Variants in ANK3 observed in about 807,000 individuals in gnomAD.
ANK3 encodes ankyrin-3.
ANK3 carries 57 observed loss-of-function variants against 370.9 expected under a neutral mutation model. The observed-to-expected ratio is 0.15, with a 90% CI of 0.12 to 0.19. The LOEUF (loss-of-function observed/expected upper bound fraction) is 0.19. Among genes scored for constraint, ANK3 ranks in the 10% least tolerant of loss-of-function variants. The probability of loss-of-function intolerance (pLI) is 1.00; values close to 1 mark genes in which losing one functional copy is unlikely to be tolerated. For synonymous variants in ANK3, 1,929 were observed against 1,946.3 expected (o/e 0.99, Z 0.23); for missense variants, 4,439 against 5,302.1 (o/e 0.84, Z 5.06).
chr10:60,600,967 A>C (rs888350237), intron 2 of ANK3, among the ~76,000 whole-genome samples: 5 of 152,176 alleles, frequency 3.3e-5, no homozygotes, highest in Non-Finnish European at 7.3e-5. Flanking sequence ...TTTGAAAACA[A>C]ACAAAAAGAA....
At chr10:60,084,405 CA>C (rs35417527) in intron 32 of ANK3, 196 bp downstream of exon 32, 2,727 of 190,394 alleles carry the variant, frequency 0.014, no homozygotes, top group East Asian at 0.029. Flanking sequence ...GGCTCCGTCT[CA>C]AAAAAAAAAA....
intron 7 of ANK3, among the ~76,000 whole-genome samples, chr10:60,249,804 C>T (rs892241027): frequency 6.6e-6 from 1 of 152,146 alleles, no homozygotes; most frequent in Non-Finnish European, 1.5e-5. Context: ...GGCAATGAGG[C>T]TGCCCACTGA....
intron 28 of ANK3, among the ~76,000 whole-genome samples, chr10:60,099,715 A>G (rs1407272190): frequency 6.6e-6 from 1 of 152,210 alleles, no homozygotes; most frequent in African/African-American, 2.4e-5. Flanking sequence ...AATTAATATG[A>G]TTCTATCTTC....
intron 1 of ANK3, among the ~76,000 whole-genome samples, chr10:60,366,981 G>A (rs2059468519): frequency 6.6e-6 from 1 of 152,056 alleles, no homozygotes. Flanking sequence ...TTATAGTACT[G>A]CGTGAACATT....
rs780616049 is a variant in ANK3, at chr10:60,073,854, T to C, written c.7027A>G (p.Thr2343Ala). 5.6e-6 allele frequency: 9 copies of C among 1,613,758 alleles called. No homozygotes were observed. In the South Asian group the frequency reaches 9.9e-5, roughly 18 times the overall value. ...TTGGTTTCTCTAATAATGACTTCAG[T>C]GGGCTCAGCTTGGTTACCTTTTTCG... ...HIEKGNQAEP[T>A]EVIIRETKKH... is the part of the protein sequence containing the mutation. The change falls in exon 37 of 44, where the codon ACT (threonine) becomes GCT (alanine). Residue 2343 changes from threonine (T) to alanine (A), a missense_variant. Coordinates refer to ENST00000280772, the MANE Select transcript of ANK3 (RefSeq NM_020987.5).
intron 2 of ANK3, among the ~76,000 whole-genome samples, chr10:60,577,812 C>A (rs905958127): frequency 1.3e-5 from 2 of 152,164 alleles, no homozygotes; most frequent in African/African-American, 4.8e-5. Flanking sequence ...ATATATTAGG[C>A]TTCTAGTCTT....
chr10:60,132,546 T>C (rs889647737), intron 25 of ANK3, among the ~76,000 whole-genome samples: 2 of 152,118 alleles, frequency 1.3e-5, no homozygotes. Flanking sequence ...AAACCTCTTT[T>C]CTTTATAAAT....
At chr10:60,546,196 T>C (rs369967552) in intron 2 of ANK3, among the ~76,000 whole-genome samples, 1 of 152,102 alleles carries the variant, frequency 6.6e-6, no homozygotes, top group Non-Finnish European at 1.5e-5. Flanking sequence ...CCACCATGCC[T>C]GGCTAATTTT....
chr10:60,164,707 A>C (rs1455055027), intron 23 of ANK3, among the ~76,000 whole-genome samples: 4 of 152,174 alleles, frequency 2.6e-5, no homozygotes, highest in African/African-American at 9.7e-5. Context: ...CAAATGGACT[A>C]TGCAGCTTAG....
At chr10:60,601,738 T>C (rs1244860474) in intron 2 of ANK3, among the ~76,000 whole-genome samples, 2 of 152,184 alleles carry the variant, frequency 1.3e-5, no homozygotes, top group Admixed American at 1.3e-4. Flanking sequence ...GGTACTGATG[T>C]TGATTCCTTC....
chr10:60,603,477 T>C (rs950406758), intron 2 of ANK3, among the ~76,000 whole-genome samples: 2 of 152,164 alleles, frequency 1.3e-5, no homozygotes, highest in Non-Finnish European at 2.9e-5. Context: ...ATAAAGTTTA[T>C]ATGCAAATAT....
chr10:60,548,446 C>T (rs539631825), intron 2 of ANK3, among the ~76,000 whole-genome samples: 2 of 151,696 alleles, frequency 1.3e-5, no homozygotes, highest in East Asian at 1.9e-4. Flanking sequence ...GACGGGGTTT[C>T]GCTATGTTGG....
intron 2 of ANK3, among the ~76,000 whole-genome samples, chr10:60,583,296 A>G (rs1937036692): frequency 1.3e-5 from 2 of 152,300 alleles, no homozygotes; most frequent in African/African-American, 4.8e-5. Context: ...CATATGTAGA[A>G]TCTAAAAAGT....
At chr10:60,316,745 T>A (rs1430402913) in intron 1 of ANK3, among the ~76,000 whole-genome samples, 2 of 151,546 alleles carry the variant, frequency 1.3e-5, no homozygotes, top group African/African-American at 2.4e-5. Context: ...GTTTTTATTT[T>A]TATTTTTATT....
At chr10:60,281,927 TAAAC>T (rs1217500368) in intron 1 of ANK3, among the ~76,000 whole-genome samples, 2 of 152,206 alleles carry the variant, frequency 1.3e-5, no homozygotes, top group Admixed American at 1.3e-4. Flanking sequence ...AAGTTCAACT[TAAAC>T]AAAGGACAAA....
intron 2 of ANK3, among the ~76,000 whole-genome samples, chr10:60,528,133 TCTTC>T (rs2076518552): frequency 1.0e-5 from 1 of 95,376 alleles, no homozygotes; most frequent in South Asian, 4.7e-4. Flanking sequence ...CTTTTCTTCT[TCTTC>T]TTTTTTTTTT....
At chr10:60,346,308 A>G (rs1226982937) in intron 1 of ANK3, among the ~76,000 whole-genome samples, 1 of 152,116 alleles carries the variant, frequency 6.6e-6, no homozygotes, top group Non-Finnish European at 1.5e-5. Flanking sequence ...GGTTAAAAAA[A>G]AAGAACAAAC....
At chr10:60,437,440 C>A (rs1164904564) in intron 2 of ANK3, among the ~76,000 whole-genome samples, 2 of 152,180 alleles carry the variant, frequency 1.3e-5, no homozygotes, top group Non-Finnish European at 2.9e-5. Flanking sequence ...GTAGGGGAAC[C>A]CTGCAGTGCT....
In ANK3 at chr10:60,121,475, T is replaced by G. The variant is rs188555705; in HGVS notation, c.2842-7144A>C. Among the ~76,000 whole-genome samples the G allele has an allele frequency of 2.9e-3, 438 of 151,868 alleles. 3 individuals carry two copies. The highest frequency in any genetic ancestry group is 0.01 in the African/African-American group (418 of 41,418). On this transcript the variant is annotated intron_variant, in intron 25 of 43. Coordinates refer to ENST00000280772, the MANE Select transcript of ANK3 (RefSeq NM_020987.5). ...GGGAGGTCAAAGTGGGCAGATGACTTGAGCTCAGGAGTTTAAGACCAGCCT... is the reference window on the plus strand; with the variant it reads ...GGGAGGTCAAAGTGGGCAGATGACTGGAGCTCAGGAGTTTAAGACCAGCCT...
Sources: allele counts gnomAD v4.1 joint callset (sites outside exome capture counted in the v4.1 genomes callset), GRCh38; gene constraint gnomAD v4.1.1; transcripts MANE v1.5; gene names NCBI Gene and HGNC (gene_info 2026-07-23, HGNC 2026-07-21).